The following NUMA1 variants were observed in gnomAD, a reference collection of about 807,000 sequenced individuals.
NUMA1 encodes the protein nuclear mitotic apparatus protein 1, also known as SP-H antigen.
NUMA1 carries 62 observed loss-of-function variants against 237.1 expected under a neutral mutation model. The ratio of observed to expected loss-of-function variants is 0.26; its 90% CI spans 0.21 to 0.32. The LOEUF (loss-of-function observed/expected upper bound fraction) is 0.32, where lower values mean the gene tolerates loss of function less well. Ranked by LOEUF, NUMA1 falls within the 10% of genes least tolerant of loss-of-function variation. The probability of loss-of-function intolerance (pLI) is 1.00; values close to 1 mark genes in which losing one functional copy is unlikely to be tolerated. For missense variants in NUMA1, 2,533 were observed against 2,666.5 expected, an observed-to-expected ratio of 0.95 and a Z score of 1.10; for synonymous variants, 1,028 against 1,066.1, an observed-to-expected ratio of 0.96 and a Z score of 0.70.
In NUMA1 at chr11:72,015,099, C is replaced by T; in HGVS notation, c.2404G>A (p.Glu802Lys). 1.2e-6 allele frequency: 2 copies of T among 1,613,846 alleles called. No homozygotes were observed. The highest frequency in any genetic ancestry group is 1.6e-4 in the Middle Eastern group (1 of 6,062). Reference sequence around the variant, plus strand: ...ACTTCTTTGACGAGCTGCTCACACTCACTCTCAGCTGTGTGCTGGGCAGCC... The same window carrying T: ...ACTTCTTTGACGAGCTGCTCACACTTACTCTCAGCTGTGTGCTGGGCAGCC... ...AMAAQHTAES[E>K]CEQLVKEVAA... The change falls in exon 15 of 27, where the codon GAG becomes AAG. Residue 802 changes from glutamate to lysine, a missense_variant. Coordinates refer to ENST00000393695, the MANE Select transcript of NUMA1 (RefSeq NM_006185.4). This position sits in a 1 kb window ranked among gnomAD's most constrained non-coding sequence, Gnocchi z 4.0.
intron 1 of NUMA1, among the ~76,000 whole-genome samples, chr11:72,079,820 T>G (rs1943980577): frequency 6.7e-6 from 1 of 149,678 alleles, no homozygotes; most frequent in African/African-American, 2.5e-5. Flanking sequence ...GTAAGGCAGG[T>G]AAGGTCATTG....
chr11:72,060,743 G>A (rs1465327396), intron 2 of NUMA1, among the ~76,000 whole-genome samples: 2 of 152,078 alleles, frequency 1.3e-5, no homozygotes, highest in African/African-American at 4.8e-5. Flanking sequence ...CCAGTACTTA[G>A]GAAGGCTTAG....
rs527252501 is a variant in NUMA1, at chr11:72,008,782, T to C, written c.5122A>G (p.Lys1708Glu). 73 of 1,614,128 alleles carry C rather than the reference T, an allele frequency of 4.5e-5. No homozygotes were observed. The South Asian group carries it at 7.6e-4, about 17-fold the overall frequency. ...GKFQVATDAL[K>E]SREPQAKPQL... ...GGCTTAGCCTGGGGCTCACGGCTCT[T>C]TAAAGCATCAGTTGCCACCTGGAAT... is the stretch of plus-strand genomic sequence containing the variant. The change falls in exon 20 of 27, where the codon AAG (lysine) becomes GAG (glutamate). Residue 1708 changes from lysine to glutamate, a missense_variant. Coordinates refer to ENST00000393695, the MANE Select transcript of NUMA1 (RefSeq NM_006185.4).
intron 2 of NUMA1, among the ~76,000 whole-genome samples, chr11:72,048,804 C>A (rs1282873721): frequency 6.6e-6 from 1 of 152,084 alleles, no homozygotes; most frequent in Non-Finnish European, 1.5e-5. Flanking sequence ...ACAGCAAGCA[C>A]CAAGAAAAGT....
In NUMA1 at chr11:72,014,439, G is replaced by A. The variant is rs1185636020; in HGVS notation, c.3064C>T (p.Leu1022=). ...ERGRAQADLA[L]EKAARAELEM... Reference sequence around the variant, plus strand: ...AGCTCTGCTCTGGCCGCCTTCTCCAGGGCAAGGTCAGCCTGGGCACGGCCC... The same window carrying A: ...AGCTCTGCTCTGGCCGCCTTCTCCAAGGCAAGGTCAGCCTGGGCACGGCCC... Residue 1022 remains leucine (L), a synonymous_variant, in exon 15 of 27, where the codon CTG becomes TTG. Coordinates refer to ENST00000393695, the MANE Select transcript of NUMA1 (RefSeq NM_006185.4). The surrounding 1 kb of genome is among the most constrained non-coding windows in gnomAD (Gnocchi z 4.6). 3.7e-6 allele frequency: 6 copies of A among 1,606,504 alleles called. No individual in the cohort carries two copies. The highest frequency in any genetic ancestry group is 5.1e-6 in the Non-Finnish European group (6 of 1,179,984).
intron 8 of NUMA1, chr11:72,020,802 G>C (rs1184581586): frequency 6.5e-6 from 1 of 154,792 alleles, no homozygotes. Context: ...AACACGGGAA[G>C]TGGAGATTGC....
intron 26 of NUMA1, 33 bp downstream of exon 26, chr11:72,003,854 G>C: frequency 6.2e-7 from 1 of 1,607,536 alleles, no homozygotes; most frequent in South Asian, 1.1e-5. Context: ...GCTCTCATCG[G>C]GTTTCCCTCC....
intron 2 of NUMA1, chr11:72,066,060 C>G (rs532329155): frequency 6.6e-6 from 1 of 151,558 alleles, no homozygotes; most frequent in East Asian, 1.9e-4. Flanking sequence ...AATCCCAGCA[C>G]TTTGGGAGGC....
rs192497381 is a variant in NUMA1 at position 72,022,236 on chromosome 11, G to A, written c.372+103C>T. 576 of 657,686 alleles carry A rather than the reference G, an allele frequency of 8.8e-4. 4 individuals carry two copies. The highest frequency in any genetic ancestry group is 6.8e-5 in the Non-Finnish European group (26 of 383,360). The allele number at this position is 657,686 out of a possible 1,614,324, so 40.7% of individuals were successfully genotyped here. A position where few individuals can be genotyped will look rare whatever the true frequency, so the allele number is the denominator to read the frequency against. Reference sequence around the variant, plus strand: ...ATGAATGGCAATAATTGCTATAACTGTATTTTTAAAAAGTCCAGTATCTGC... The same window carrying A: ...ATGAATGGCAATAATTGCTATAACTATATTTTTAAAAAGTCCAGTATCTGC... On this transcript the variant is annotated intron_variant, in intron 7 of 26. Coordinates refer to ENST00000393695, the MANE Select transcript of NUMA1 (RefSeq NM_006185.4).
chr11:72,004,320 A>C lies in NUMA1; in HGVS notation c.6028T>G (p.Phe2010Val). Residue 2010 changes from phenylalanine (F) to valine (V), a missense_variant, in exon 25 of 27, where the codon TTC (phenylalanine) becomes GTC (valine). By Grantham distance (50) the Phe-to-Val change is conservative (BLOSUM62 -1). Coordinates refer to ENST00000393695, the MANE Select transcript of NUMA1 (RefSeq NM_006185.4). ...TPESKKATSC[F>V]PRPMTPRDRH... ...TCTCGGGGAGTCATGGGGCGTGGGAAACAGCTGGTGGCCTTCTTAGACTAT... is the reference window on the plus strand; with the variant it reads ...TCTCGGGGAGTCATGGGGCGTGGGACACAGCTGGTGGCCTTCTTAGACTAT... The C allele has an allele frequency of 6.2e-7, 1 of 1,613,088 alleles. No individual in the cohort carries two copies. Among genetic ancestry groups the C allele is most frequent in the Non-Finnish European group, 8.5e-7 (1 of 1,179,732 alleles).
At chr11:72,038,283 A>C (rs1941274518) in intron 2 of NUMA1, among the ~76,000 whole-genome samples, 1 of 152,196 alleles carries the variant, frequency 6.6e-6, no homozygotes, top group African/African-American at 2.4e-5. Context: ...TACAACCCTG[A>C]GGTCCTCCCA....
chr11:72,006,040 G>C lies in NUMA1; in HGVS notation c.5687C>G (p.Pro1896Arg), dbSNP rs1444912123. 6.2e-7 allele frequency: 1 copy of C among 1,610,844 alleles called. No individual in the cohort carries two copies. The highest frequency in any genetic ancestry group is 1.7e-5 in the Admixed American group (1 of 59,920). The change falls in exon 22 of 27, where the codon CCT becomes CGT. Residue 1896 changes from proline to arginine, a missense_variant. This residue lies in a region of NUMA1 where 795 missense variants were observed against 750.8 expected (regional missense o/e 1.06). Coordinates refer to ENST00000393695, the MANE Select transcript of NUMA1 (RefSeq NM_006185.4). ...AGTCCCTGTAGTCCCCTCACCTGGA[G>C]GGGCCCCACTGGACACCCCGGCCTG... ...RSQAGVSSGA[P>R]PGRNSFYMGT...
chr11:72,007,725 C>G (rs1431196325), intron 20 of NUMA1: 6 of 466,740 alleles, frequency 1.3e-5, no homozygotes, highest in Non-Finnish European at 2.3e-5. Flanking sequence ...CCAATCTAAG[C>G]CCACTTCTCT....
At position 72,006,088 on chromosome 11, in the gene NUMA1, G is replaced by C. The variant is rs757253785; in HGVS notation, c.5639C>G (p.Thr1880Ser). The C allele has an allele frequency of 1.2e-6, 2 of 1,614,072 alleles. No individual in the cohort carries two copies. Among genetic ancestry groups the C allele is most frequent in the Non-Finnish European group, 1.7e-6 (2 of 1,179,974 alleles). ...CTGGGAACGACGAGCAGAACTGCGA[G>C]TGGTGGGGCGGTAGCCAGGCAAGCT... ...LLSLPGYRPTTRSSARRSQAG... is the reference protein window; with the variant it reads ...LLSLPGYRPTSRSSARRSQAG... The change falls in exon 22 of 27, where the codon ACT (threonine) becomes AGT (serine). Residue 1880 changes from threonine to serine, a missense_variant. Transcript: ENST00000393695.
At position 72,080,528 on chromosome 11, in the gene NUMA1, T is replaced by TTC; in HGVS notation, c.-174_-173insGA. On this transcript the variant is annotated 5_prime_UTR_variant, in exon 1 of 27. Coordinates refer to ENST00000393695, the MANE Select transcript of NUMA1 (RefSeq NM_006185.4). ...CCTCTTCGTGGGCTCGCGCCAGCGC[T>TTC]GTGAGCGCACAATTAGTTTAAACTA... 6.6e-6 allele frequency: 1 copy of TTC among 152,188 alleles called. No homozygotes were observed. The highest frequency in any genetic ancestry group is 1.5e-5 in the Non-Finnish European group (1 of 68,046). The allele number at this position is 152,188 out of a possible 1,614,324, so 9.4% of individuals were successfully genotyped here.
At chr11:72,061,976 T>C (rs367861346) in intron 2 of NUMA1, among the ~76,000 whole-genome samples, 2 of 152,250 alleles carry the variant, frequency 1.3e-5, no homozygotes, top group East Asian at 3.9e-4. Flanking sequence ...TCCCTTTTGC[T>C]AGCAGATTCG....
intron 1 of NUMA1, among the ~76,000 whole-genome samples, chr11:72,074,664 A>C (rs1362143977): frequency 6.6e-6 from 1 of 152,156 alleles, no homozygotes; most frequent in Non-Finnish European, 1.5e-5. Context: ...GCTTGAGTCC[A>C]GGAGATCGAG....
chr11:72,068,406 G>A (rs1415832849), intron 2 of NUMA1: 2 of 152,258 alleles, frequency 1.3e-5, no homozygotes, highest in African/African-American at 4.8e-5. Flanking sequence ...GATCGCTTGA[G>A]GTCAGGAGTT....
chr11:72,004,193 G>A (rs768629500), intron 25 of NUMA1, 32 bp downstream of exon 25: 33 of 1,603,872 alleles, frequency 2.1e-5, no homozygotes, highest in East Asian at 8.9e-5. Context: ...CCGCCAGGGC[G>A]TCGCTTCATC....
Sources: gnomAD v4.1 joint callset for allele counts (sites outside exome capture counted in the v4.1 genomes callset) on GRCh38, gnomAD v4.1.1 for gene constraint, gnomAD v4.1.1 regional missense constraint, Gnocchi (gnomAD v3.1) non-coding constraint, MANE v1.5 for transcripts, NCBI Gene and HGNC (gene_info 2026-07-23, HGNC 2026-07-21) for gene names.